The following FGFR2 variants were observed in gnomAD, a reference collection of about 807,000 sequenced individuals.
The protein encoded by FGFR2 is BEK fibroblast growth factor receptor.
FGFR2 carries 19 observed loss-of-function variants against 95.9 expected under a neutral mutation model. The ratio of observed to expected loss-of-function variants is 0.20; its 90% CI spans 0.14 to 0.29. The LOEUF (loss-of-function observed/expected upper bound fraction) is 0.29, where lower values mean the gene tolerates loss of function less well. FGFR2 is among the 10% of genes least tolerant of loss of function. The pLI is 1.00. For missense variants in FGFR2, 707 were observed against 1,056.9 expected, an observed-to-expected ratio of 0.67 and a Z score of 4.59; for synonymous variants, 392 against 393.3, an observed-to-expected ratio of 1.00 and a Z score of 0.04.
intron 9 of FGFR2, among the ~76,000 whole-genome samples, chr10:121,511,181 A>C (rs1849012507): frequency 6.7e-6 from 1 of 148,532 alleles, no homozygotes; most frequent in Non-Finnish European, 1.5e-5. Flanking sequence ...TGAAAAAAAC[A>C]AAAAAAAAAC....
intron 2 of FGFR2, among the ~76,000 whole-genome samples, chr10:121,588,381 A>AC (rs1862144186): frequency 7.3e-6 from 1 of 137,788 alleles, no homozygotes; most frequent in Admixed American, 7.8e-5. Flanking sequence ...CTTCACATGT[A>AC]CCCCCAAACC....
intron 4 of FGFR2, among the ~76,000 whole-genome samples, chr10:121,554,198 CA>C (rs1422024505): frequency 6.6e-6 from 1 of 152,180 alleles, no homozygotes; most frequent in Admixed American, 6.5e-5. Context: ...AATCCAGGCA[CA>C]ACCCTCCACC....
intron 9 of FGFR2, among the ~76,000 whole-genome samples, chr10:121,509,481 T>A (rs941075730): frequency 8.7e-6 from 1 of 114,638 alleles, no homozygotes; most frequent in Non-Finnish European, 1.8e-5. Context: ...CTGTTTCTTT[T>A]CTTTTTTTTT....
In FGFR2 at chr10:121,517,341, A is replaced by T. The variant is rs544628754; in HGVS notation, c.1062T>A (p.Ser354=). 1.9e-6 allele frequency: 3 copies of T among 1,614,226 alleles called. No homozygotes were observed. Among genetic ancestry groups the T allele is most frequent in the Non-Finnish European group, 2.5e-6 (3 of 1,180,034 alleles). The change falls in exon 8 of 18, where the codon TCT becomes TCA. Residue 354 remains serine, a synonymous_variant. Transcript: ENST00000358487. This position sits in a 1 kb window ranked among gnomAD's most constrained non-coding sequence, Gnocchi z 4.7. ...AGNSIGISFH[S]AWLTVLPAPG... Reference sequence around the variant, plus strand: ...TACCTGGCAGAACTGTCAACCATGCAGAGTGAAAGGATATCCCAATAGAAT... The same window carrying T: ...TACCTGGCAGAACTGTCAACCATGCTGAGTGAAAGGATATCCCAATAGAAT...
In FGFR2 at chr10:121,517,146, C is replaced by T. The variant is rs556097007; in HGVS notation, c.1084+173G>A. ...TCATAAATGTGAGTGTGGGATCTCA[C>T]TGTGTGTGAATTTCCAAGGCAGTTT... On this transcript the variant is annotated intron_variant, in intron 8 of 17. Coordinates refer to ENST00000358487, the MANE Select transcript of FGFR2 (RefSeq NM_000141.5). The surrounding 1 kb of genome is among the most constrained non-coding windows in gnomAD (Gnocchi z 4.7). 8.0e-5 allele frequency: 58 copies of T among 723,034 alleles called. No individual in the cohort carries two copies. The highest frequency in any genetic ancestry group is 6.1e-4 in the South Asian group (39 of 64,022). 44.8% of individuals were successfully genotyped at this position (723,034 alleles called of 1,614,324 possible).
intron 1 of FGFR2, 99 bp from the exon 2 acceptor site, chr10:121,594,066 C>T (rs943862771): frequency 1.7e-6 from 1 of 589,750 alleles, no homozygotes; most frequent in Admixed American, 2.9e-5. Flanking sequence ...CAAATGTGCG[C>T]AAACAGAGTT....
intron 17 of FGFR2, chr10:121,482,278 T>C (rs1473008413): frequency 5.6e-6 from 6 of 1,080,596 alleles, no homozygotes; most frequent in East Asian, 4.9e-5. Context: ...AGTTGGTTTC[T>C]TCCCCCCCTT....
At chr10:121,558,160 A>T (rs1347572385) in intron 4 of FGFR2, among the ~76,000 whole-genome samples, 2 of 152,204 alleles carry the variant, frequency 1.3e-5, no homozygotes, top group African/African-American at 4.8e-5. Context: ...AATCCCTCGA[A>T]CAAATGGGTA....
intron 1 of FGFR2, among the ~76,000 whole-genome samples, chr10:121,595,064 T>C (rs1464300817): frequency 6.6e-6 from 1 of 152,184 alleles, no homozygotes; most frequent in African/African-American, 2.4e-5. Flanking sequence ...AGAGAATGAT[T>C]AAAACAATCA....
rs2133772133 is a variant in FGFR2 at position 121,483,809 on chromosome 10, A to G, written c.2196-6T>C. 1 of 1,606,674 alleles carries G rather than the reference A, an allele frequency of 6.2e-7. No homozygotes were observed. The highest frequency in any genetic ancestry group is 8.5e-7 in the Non-Finnish European group (1 of 1,174,044). Reference sequence around the variant, plus strand: ...AGTCCCTCATCATCATGTACCTGGGAAAAATGGATTTCCTTGAATTAATTT... The same window carrying G: ...AGTCCCTCATCATCATGTACCTGGGGAAAATGGATTTCCTTGAATTAATTT... On this transcript the variant is annotated splice_region_variant and splice_polypyrimidine_tract_variant and intron_variant, in intron 16 of 17. Transcript: ENST00000358487.
chr10:121,535,871 T>C (rs1485174893), intron 6 of FGFR2, among the ~76,000 whole-genome samples: 13 of 152,236 alleles, frequency 8.5e-5, no homozygotes, highest in Admixed American at 8.5e-4. Flanking sequence ...ATTAAAGTGC[T>C]TATGGGAATG....
chr10:121,505,333 C>T (rs1564891624), intron 9 of FGFR2, among the ~76,000 whole-genome samples: 1 of 152,146 alleles, frequency 6.6e-6, no homozygotes, highest in Non-Finnish European at 1.5e-5. Flanking sequence ...AAGAAGTGGG[C>T]CATTTTTCAC....
At chr10:121,481,354 A>G (rs1249566077) in intron 17 of FGFR2, among the ~76,000 whole-genome samples, 1 of 151,450 alleles carries the variant, frequency 6.6e-6, no homozygotes, top group Non-Finnish European at 1.5e-5. Flanking sequence ...ATCAGAAAAG[A>G]GCCCATGGAA....
chr10:121,560,615 CAAAAAAAAAAAAA>C (rs34753296), intron 4 of FGFR2, among the ~76,000 whole-genome samples: 2 of 51,794 alleles, frequency 3.9e-5, no homozygotes, highest in Non-Finnish European at 7.2e-5. Context: ...ACTCCGTCCC[CAAAAAAAAAAAAA>C]AAAAAAAAAA....
intron 9 of FGFR2, among the ~76,000 whole-genome samples, chr10:121,514,030 A>C (rs568790369): frequency 1.6e-4 from 24 of 152,286 alleles, no homozygotes; most frequent in African/African-American, 5.8e-4. Context: ...CTCAAAGTGC[A>C]TTCTAAAATC....
At chr10:121,595,218 A>C (rs1261736222) in intron 1 of FGFR2, among the ~76,000 whole-genome samples, 4 of 152,254 alleles carry the variant, frequency 2.6e-5, no homozygotes, top group Non-Finnish European at 2.9e-5. Flanking sequence ...TCGATGTTTC[A>C]AGTTATGTCA....
chr10:121,520,544 C>T (rs929518826), intron 6 of FGFR2, among the ~76,000 whole-genome samples: 1 of 152,192 alleles, frequency 6.6e-6, no homozygotes, highest in African/African-American at 2.4e-5. Flanking sequence ...CAAAAACTCA[C>T]CTCAACCACA....
intron 5 of FGFR2, among the ~76,000 whole-genome samples, chr10:121,550,263 C>G (rs1017233922): frequency 1.3e-5 from 2 of 152,138 alleles, no homozygotes. Context: ...GTGTCCCTCC[C>G]ATTGCCAGAG....
In FGFR2 at chr10:121,597,964, T is replaced by C; in HGVS notation, c.-153A>G. Reference sequence around the variant, plus strand: ...GAGGCGTCTTGCGCGGCGATTACCTTGAATGGCAACGCTCCTCCGCGACCT... The same window carrying C: ...GAGGCGTCTTGCGCGGCGATTACCTCGAATGGCAACGCTCCTCCGCGACCT... On this transcript the variant is annotated splice_region_variant and 5_prime_UTR_variant, in exon 1 of 18. Coordinates refer to ENST00000358487, the MANE Select transcript of FGFR2 (RefSeq NM_000141.5). 2 of 392,922 alleles carry C rather than the reference T, an allele frequency of 5.1e-6. No homozygotes were observed. The highest frequency in any genetic ancestry group is 2.1e-5 in the African/African-American group (1 of 48,598). The allele number at this position is 392,922 out of a possible 1,614,324, so 24.3% of individuals were successfully genotyped here. A position where few individuals can be genotyped will look rare whatever the true frequency, so the allele number is the denominator to read the frequency against.
Sources: gnomAD v4.1 joint callset for allele counts (sites outside exome capture counted in the v4.1 genomes callset) on GRCh38, gnomAD v4.1.1 for gene constraint, Gnocchi (gnomAD v3.1) non-coding constraint, MANE v1.5 for transcripts, NCBI Gene and HGNC (gene_info 2026-07-23, HGNC 2026-07-21) for gene names.